Variants in ZNF91 observed in about 807,000 individuals in gnomAD.
The protein encoded by ZNF91 is zinc finger protein 91.
In ZNF91, 7 loss-of-function variants were observed where a neutral mutation model predicts 12.6. The observed-to-expected ratio is 0.55, with a 90% CI of 0.31 to 1.04. The LOEUF is 1.04. Ranked by LOEUF, ZNF91 falls within the 50% of genes least tolerant of loss-of-function variation. The pLI is 0.05. For missense variants in ZNF91, 1,217 were observed against 1,385.4 expected (o/e 0.88, Z 1.93); for synonymous variants, 453 against 462.6 (o/e 0.98, Z 0.27).
chr19:23,370,507 T>C (rs1410252584), intron 3 of ZNF91, among the ~76,000 whole-genome samples: 2 of 152,136 alleles, frequency 1.3e-5, no homozygotes, highest in Non-Finnish European at 2.9e-5. Context: ...ATATACAGTT[T>C]TGTTTAGTTT....
In ZNF91 at chr19:23,360,053, T is replaced by G; in HGVS notation, c.2926A>C (p.Arg976=). 2 of 1,613,386 alleles carry G rather than the reference T, an allele frequency of 1.2e-6. No homozygotes were observed. The highest frequency in any genetic ancestry group is 1.7e-6 in the Non-Finnish European group (2 of 1,179,968). ...TGTTCAGTAAGAGTTGAAGATTTCC[T>G]AAAAGCTTTGCCACATTCTTCACAT... ...YKCEECGKAF[R]KSSTLTEHKI... is the part of the protein sequence containing the mutation. Residue 976 remains arginine (R), a synonymous_variant, in exon 4 of 4, where the codon AGG becomes CGG. Coordinates refer to ENST00000300619, the MANE Select transcript of ZNF91 (RefSeq NM_003430.4).
At chr19:23,316,166 AT>A (rs34486796) in intron 1 of ZNF91, among the ~76,000 whole-genome samples, 1,432 of 137,608 alleles carry the variant, frequency 0.01, 4 homozygotes, top group East Asian at 0.041. Flanking sequence ...AGGTGAGGTG[AT>A]TTTTTTTTTT....
downstream of ZNF91, among the ~76,000 whole-genome samples, chr19:23,335,755 C>A (rs1599697208): frequency 6.6e-6 from 1 of 152,128 alleles, no homozygotes; most frequent in East Asian, 1.9e-4. Context: ...AGGGAATTCC[C>A]CGACCCCTTG....
intron 3 of ZNF91, among the ~76,000 whole-genome samples, chr19:23,350,426 G>A (rs1968334142): frequency 1.3e-5 from 2 of 152,116 alleles, no homozygotes; most frequent in Non-Finnish European, 2.9e-5. Flanking sequence ...TGAAACTAAA[G>A]TTAGCTGCCA....
chr19:23,330,468 G>A (rs1439207078), intron 1 of ZNF91, among the ~76,000 whole-genome samples: 1 of 152,180 alleles, frequency 6.6e-6, no homozygotes, highest in Non-Finnish European at 1.5e-5. Context: ...GCCCCACTGT[G>A]CTCCAAAGAT....
chr19:23,313,577 C>T (rs142937907), upstream of ZNF91, among the ~76,000 whole-genome samples: 3 of 152,234 alleles, frequency 2.0e-5, no homozygotes, highest in East Asian at 1.9e-4. Context: ...CTTTGCTGCC[C>T]GTGTCCTGCT....
At chr19:23,325,163 G>C (rs1043715657) in intron 1 of ZNF91, 7 of 151,612 alleles carry the variant, frequency 4.6e-5, no homozygotes, top group Admixed American at 3.3e-4. Context: ...AAGGGAGAAG[G>C]CAGGATGATG....
chr19:23,357,237 A>AAACTACAAC (rs1968513391), downstream of ZNF91, among the ~76,000 whole-genome samples: 2 of 151,520 alleles, frequency 1.3e-5, no homozygotes, highest in Non-Finnish European at 2.9e-5. Context: ...AAAAACAAAC[A>AAACTACAAC]AACAACAACA....
At chr19:23,357,320 C>T (rs533072795), downstream of ZNF91, among the ~76,000 whole-genome samples, 49 of 152,214 alleles carry the variant, frequency 3.2e-4, no homozygotes, top group African/African-American at 1.2e-3. Flanking sequence ...AGCATGAGTA[C>T]CAGTCAAGTT....
At chr19:23,376,409 G>A (rs58805338) in intron 1 of ZNF91, among the ~76,000 whole-genome samples, 1,909 of 149,878 alleles carry the variant, frequency 0.013, 44 homozygotes, top group African/African-American at 0.044. Context: ...TTTTTGAGAC[G>A]GAGTTTTGCT....
rs1422817466 is a variant in ZNF91 at position 23,339,050 on chromosome 19, T to TC, written c.257dup (p.Val87SerfsTer27). On this transcript the variant is annotated frameshift_variant, in exon 4 of 4. Coordinates refer to the ZNF91 transcript ENST00000599743. LOFTEE classifies it high-confidence loss of function. ...CTCCAGCCTGGCGATGGAGCAAGAC[T>TC]CCGTCTCAAAAAAAAAAAAAAAGTA... is the stretch of plus-strand genomic sequence containing the variant. 1.4e-5 allele frequency: 2 copies of TC among 138,774 alleles called. No homozygotes were observed. Among genetic ancestry groups the TC allele is most frequent in the Non-Finnish European group, 1.5e-5 (1 of 64,590 alleles). The allele number at this position is 138,774 out of a possible 1,614,324, so 8.6% of individuals were successfully genotyped here. A position where few individuals can be genotyped will look rare whatever the true frequency, so the allele number is the denominator to read the frequency against.
intron 1 of ZNF91, among the ~76,000 whole-genome samples, chr19:23,387,013 C>A (rs998114906): frequency 3.3e-5 from 5 of 152,036 alleles, no homozygotes; most frequent in African/African-American, 1.2e-4. Context: ...AGATGCTTTT[C>A]GAAAGAAGAC....
At chr19:23,393,818 A>G (rs1055135750) in intron 1 of ZNF91, among the ~76,000 whole-genome samples, 2 of 151,894 alleles carry the variant, frequency 1.3e-5, no homozygotes, top group African/African-American at 4.8e-5. Flanking sequence ...TGGCCAACAT[A>G]GTGAAACCCT....
In ZNF91 at chr19:23,358,151, A is replaced by G. The variant is rs2145043421; in HGVS notation, c.*1252T>C. 6.6e-6 allele frequency: 1 copy of G among 152,302 alleles called. No individual in the cohort carries two copies. Among genetic ancestry groups the G allele is most frequent in the Non-Finnish European group, 1.5e-5 (1 of 68,010 alleles). The allele number at this position is 152,302 out of a possible 1,614,324, so 9.4% of individuals were successfully genotyped here. On this transcript the variant is annotated 3_prime_UTR_variant, in exon 4 of 4. Coordinates refer to ENST00000300619, the MANE Select transcript of ZNF91 (RefSeq NM_003430.4). ...AATAGGTTAAAGTTACTGGCATAAT[A>G]ACACTTCATTGAATTCATGATAGTA...
At chr19:23,372,928 G>A (rs1383602945) in intron 3 of ZNF91, among the ~76,000 whole-genome samples, 11 of 152,292 alleles carry the variant, frequency 7.2e-5, no homozygotes, top group African/African-American at 2.6e-4. Flanking sequence ...CTGCCCTTGG[G>A]TCTGCCCTGC....
intron 3 of ZNF91, among the ~76,000 whole-genome samples, chr19:23,344,067 T>C (rs1239262946): frequency 6.6e-6 from 1 of 152,100 alleles, no homozygotes; most frequent in South Asian, 2.1e-4. Flanking sequence ...TTCTGTGAGA[T>C]TACTGGCCAA....
chr19:23,347,192 C>T (rs1440235874), intron 3 of ZNF91, among the ~76,000 whole-genome samples: 3 of 152,096 alleles, frequency 2.0e-5, no homozygotes, highest in Admixed American at 1.3e-4. Flanking sequence ...CACCCTCATT[C>T]GAGCTCTCAC....
At chr19:23,333,029 G>C (rs1967951848) in intron 1 of ZNF91, among the ~76,000 whole-genome samples, 2 of 152,196 alleles carry the variant, frequency 1.3e-5, no homozygotes, top group Admixed American at 1.3e-4. Flanking sequence ...GTGAAAAAGG[G>C]TGGGCATGGA....
intron 3 of ZNF91, among the ~76,000 whole-genome samples, chr19:23,348,463 C>T (rs1020548505): frequency 2.6e-5 from 4 of 152,200 alleles, no homozygotes; most frequent in Non-Finnish European, 5.9e-5. Context: ...TTTATCACTT[C>T]CCCAATCAAT....
Sources: allele counts gnomAD v4.1 joint callset (sites outside exome capture counted in the v4.1 genomes callset), GRCh38; gene constraint gnomAD v4.1.1; transcripts MANE v1.5; gene names NCBI Gene and HGNC (gene_info 2026-07-23, HGNC 2026-07-21).